The following PLCL2 variants were observed in gnomAD, a reference collection of about 807,000 sequenced individuals.
PLCL2 encodes phospholipase C like 2, also known as inactive phospholipase C-like protein 2.
Under a neutral mutation model 79.6 loss-of-function variants are expected in PLCL2, and 4 were observed. The ratio of observed to expected loss-of-function variants is 0.05; its 90% CI spans 0.02 to 0.11. The LOEUF is 0.11. PLCL2 is among the 10% of genes least tolerant of loss of function. PLCL2 has a pLI of 1.00. For synonymous variants in PLCL2, 484 were observed against 457.7 expected (o/e 1.06, Z -0.73); for missense variants, 895 against 1,291.0 (o/e 0.69, Z 4.70).
At chr3:16,959,929 C>A (rs1335292225) in intron 1 of PLCL2, among the ~76,000 whole-genome samples, 3 of 152,100 alleles carry the variant, frequency 2.0e-5, no homozygotes, top group Admixed American at 2.0e-4. Flanking sequence ...CATAGTGAAA[C>A]CCCGTCTCTG....
At chr3:17,042,039 ATAT>A (rs2064727711) in intron 3 of PLCL2, among the ~76,000 whole-genome samples, 1 of 152,230 alleles carries the variant, frequency 6.6e-6, no homozygotes, top group African/African-American at 2.4e-5. Flanking sequence ...TAGATGAGTA[ATAT>A]TATAATGCAA....
intron 1 of PLCL2, among the ~76,000 whole-genome samples, chr3:16,958,296 T>G (rs907825419): frequency 2.0e-5 from 3 of 152,196 alleles, no homozygotes; most frequent in Admixed American, 6.6e-5. Context: ...TAATTGTAGA[T>G]AATTATGAAA....
At chr3:17,034,573 C>T (rs887632436) in intron 3 of PLCL2, among the ~76,000 whole-genome samples, 3 of 152,146 alleles carry the variant, frequency 2.0e-5, no homozygotes, top group Non-Finnish European at 4.4e-5. Context: ...CACGAATTCA[C>T]CACAAATTGA....
At chr3:16,960,213 AT>A (rs2063742728) in intron 1 of PLCL2, among the ~76,000 whole-genome samples, 1 of 152,174 alleles carries the variant, frequency 6.6e-6, no homozygotes, top group Non-Finnish European at 1.5e-5. Context: ...TTTATTAGTG[AT>A]TTAGCTGAAA....
intron 1 of PLCL2, among the ~76,000 whole-genome samples, chr3:16,918,331 T>C (rs1349904131): frequency 6.6e-6 from 1 of 152,218 alleles, no homozygotes; most frequent in African/African-American, 2.4e-5. Flanking sequence ...TGAAAAATTA[T>C]ATATTTATGA....
intron 1 of PLCL2, among the ~76,000 whole-genome samples, chr3:16,977,023 T>C (rs13086322): frequency 6.6e-6 from 1 of 152,106 alleles, no homozygotes; most frequent in East Asian, 1.9e-4. Flanking sequence ...TACTGAGTCT[T>C]AAATATAATG....
At chr3:16,970,038 T>TTA (rs71266500) in intron 1 of PLCL2, among the ~76,000 whole-genome samples, 21,560 of 135,714 alleles carry the variant, frequency 0.16, 1,945 homozygotes, top group Admixed American at 0.2. Flanking sequence ...TGGCTTTGAT[T>TTA]TATATATATA....
chr3:16,904,493 C>A (rs1696706402), intron 1 of PLCL2, among the ~76,000 whole-genome samples: 1 of 151,996 alleles, frequency 6.6e-6, no homozygotes, highest in African/African-American at 2.4e-5. Context: ...GGCTCTCAGC[C>A]CTTTGAATGA....
rs1385650745 is a variant in PLCL2 at position 16,957,763 on chromosome 3, G to C, written c.328-51911G>C. Among the ~76,000 whole-genome samples, 11 of 152,154 alleles carry C rather than the reference G, an allele frequency of 7.2e-5. 1 individual carries two copies. The highest frequency in any genetic ancestry group is 6.5e-4 in the Admixed American group (10 of 15,282). ...GATAGTTAGCTCTTCTTGTTGAATT[G>C]ATCCCTTTACCATTATGTAATGGCC... On this transcript the variant is annotated intron_variant, in intron 1 of 5. Transcript: ENST00000615277.
In PLCL2 at chr3:16,891,975, C is replaced by T. The variant is rs57914619; in HGVS notation, c.327+6609C>T. ...ACTCTCCCTGTATCTCCATACAGTC[C>T]TTCTGCCTCTTAGGCAACTACATCT... On this transcript the variant is annotated intron_variant, in intron 1 of 5. Transcript: ENST00000615277. Among the ~76,000 whole-genome samples, 397 of 152,324 alleles carry T rather than the reference C, an allele frequency of 2.6e-3. 2 individuals are homozygous for T. The highest frequency in any genetic ancestry group is 9.0e-3 in the African/African-American group (376 of 41,562).
chr3:16,987,199 A>G lies in PLCL2; in HGVS notation c.328-22475A>G, dbSNP rs2064059087. Among the ~76,000 whole-genome samples, 2 of 152,106 alleles carry G rather than the reference A, an allele frequency of 1.3e-5. 1 individual carries two copies. The highest frequency in any genetic ancestry group is 1.3e-4 in the Admixed American group (2 of 15,256). ...CTGAGGTCATCAGCTCCTAGCAGGC[A>G]GAGCCAGACGTGGACCCAGGTCTGT... On this transcript the variant is annotated intron_variant, in intron 1 of 5. Transcript: ENST00000615277.
chr3:16,994,853 T>G (rs1246638324), intron 1 of PLCL2, among the ~76,000 whole-genome samples: 1 of 151,988 alleles, frequency 6.6e-6, no homozygotes, highest in African/African-American at 2.4e-5. Flanking sequence ...ATCCAGCAAA[T>G]AATCCCCATT....
At chr3:16,933,099 C>T (rs1404484223) in intron 1 of PLCL2, 1 of 154,632 alleles carries the variant, frequency 6.5e-6, no homozygotes, top group African/African-American at 2.4e-5. Flanking sequence ...TGAAACGTAC[C>T]TAAGTATTAT....
chr3:17,070,600 G>T (rs762919330), intron 5 of PLCL2, among the ~76,000 whole-genome samples: 53 of 151,304 alleles, frequency 3.5e-4, no homozygotes, highest in South Asian at 6.3e-4. Flanking sequence ...GTAGAATGGG[G>T]TTTTTTTTTC....
chr3:16,960,089 A>G (rs1365395601), intron 1 of PLCL2, among the ~76,000 whole-genome samples: 1 of 152,176 alleles, frequency 6.6e-6, no homozygotes, highest in African/African-American at 2.4e-5. Flanking sequence ...TGGGCGACAG[A>G]GGAAGACTCC....
intron 4 of PLCL2, among the ~76,000 whole-genome samples, chr3:17,053,586 T>C (rs1389014853): frequency 6.6e-6 from 1 of 152,212 alleles, no homozygotes; most frequent in Admixed American, 6.5e-5. Context: ...TCTTAACTCA[T>C]TCCAGCATTA....
At chr3:17,013,640 A>AT (rs1165557513) in intron 2 of PLCL2, among the ~76,000 whole-genome samples, 1 of 152,226 alleles carries the variant, frequency 6.6e-6, no homozygotes, top group African/African-American at 2.4e-5. Flanking sequence ...TTAAATTTAA[A>AT]ACTAAAGTGT....
intron 1 of PLCL2, among the ~76,000 whole-genome samples, chr3:16,936,881 G>A (rs1224473391): frequency 6.6e-6 from 1 of 152,034 alleles, no homozygotes; most frequent in Non-Finnish European, 1.5e-5. Context: ...CCAGGTGTAC[G>A]TATTAACCCT....
chr3:16,964,682 T>C (rs1369080025), intron 1 of PLCL2, among the ~76,000 whole-genome samples: 1 of 151,944 alleles, frequency 6.6e-6, no homozygotes, highest in Non-Finnish European at 1.5e-5. Context: ...CCAGCACCTG[T>C]TGTTTCCTGA....
Sources: gnomAD v4.1 joint callset for allele counts (sites outside exome capture counted in the v4.1 genomes callset) on GRCh38, gnomAD v4.1.1 for gene constraint, MANE v1.5 for transcripts, NCBI Gene and HGNC (gene_info 2026-07-23, HGNC 2026-07-21) for gene names.